Variants in MFN2 observed in about 807,000 individuals in gnomAD.
The protein encoded by MFN2 is mitofusin 2, also known as mitofusin-2.
In MFN2, 43 loss-of-function variants were observed where a neutral mutation model predicts 87.5. That is an observed-to-expected ratio of 0.49 (90% CI 0.38 to 0.63). The LOEUF is 0.63. Ranked by LOEUF, MFN2 falls within the 30% of genes least tolerant of loss-of-function variation. The pLI is 0.00. For missense variants in MFN2, 743 were observed against 972.8 expected, an observed-to-expected ratio of 0.76 and a Z score of 3.14; for synonymous variants, 337 against 359.9, an observed-to-expected ratio of 0.94 and a Z score of 0.72.
rs573457615 is a variant in MFN2, at chr1:12,004,769, G to A, written c.1393-56G>A. 697 of 1,563,202 alleles carry A rather than the reference G, an allele frequency of 4.5e-4. No homozygotes were observed. Among genetic ancestry groups the A allele is most frequent in the Admixed American group, 6.8e-4 (40 of 59,090 alleles). ...CTTCTGGGGTCACCTGGTGGATGTG[G>A]CCTGAAGGGAATTTTGATGGACATG... On this transcript the variant is annotated intron_variant, in intron 13 of 18. Coordinates refer to ENST00000235329, the MANE Select transcript of MFN2 (RefSeq NM_014874.4). This position sits in a 1 kb window ranked among gnomAD's most constrained non-coding sequence, Gnocchi z 4.2.
At chr1:11,997,149 T>G (rs1638947529) in intron 5 of MFN2, 148 bp from the exon 6 acceptor site, 1 of 1,192,788 alleles carries the variant, frequency 8.4e-7, no homozygotes, top group East Asian at 2.7e-5. Flanking sequence ...TATTGACAAC[T>G]CCCAGCTGTT....
chr1:12,008,040 C>G (rs1639499232), intron 17 of MFN2, among the ~76,000 whole-genome samples: 2 of 152,168 alleles, frequency 1.3e-5, no homozygotes, highest in African/African-American at 4.8e-5. Flanking sequence ...GGACACAGCA[C>G]ATGTTTCAGA....
chr1:12,011,845 T>C lies in MFN2; in HGVS notation c.*280T>C, dbSNP rs1639712048. 1.9e-6 allele frequency: 1 copy of C among 531,850 alleles called. No homozygotes were observed. The highest frequency in any genetic ancestry group is 1.9e-5 in the African/African-American group (1 of 52,562). 32.9% of individuals were successfully genotyped at this position (531,850 alleles called of 1,614,324 possible). A position where few individuals can be genotyped will look rare whatever the true frequency, so the allele number is the denominator to read the frequency against. The stretch of plus-strand genomic sequence containing the variant: ...AGTTAAGTTGAGGCTTTTTCCAGCT[T>C]TCTCTGGTTCATTTGATTGCTTGAT... On this transcript the variant is annotated 3_prime_UTR_variant, in exon 19 of 19. Coordinates refer to ENST00000235329, the MANE Select transcript of MFN2 (RefSeq NM_014874.4).
At chr1:11,988,638 T>G (rs1283899730) in intron 2 of MFN2, among the ~76,000 whole-genome samples, 1 of 152,046 alleles carries the variant, frequency 6.6e-6, no homozygotes, top group African/African-American at 2.4e-5. Flanking sequence ...TGGGCTCAAG[T>G]GACCCTCCCA....
intron 2 of MFN2, among the ~76,000 whole-genome samples, chr1:11,986,263 AT>A (rs1638402207): frequency 6.6e-6 from 1 of 152,146 alleles, no homozygotes; most frequent in East Asian, 1.9e-4. Context: ...CTTTGGCCCC[AT>A]TTGGAAGTTT....
chr1:11,997,933 G>T (rs1305736143), intron 6 of MFN2, among the ~76,000 whole-genome samples: 1 of 135,434 alleles, frequency 7.4e-6, no homozygotes, highest in Admixed American at 8.0e-5. Context: ...ACCCAGGCTG[G>T]AGTGCAGTGG....
intron 2 of MFN2, among the ~76,000 whole-genome samples, chr1:11,983,728 G>A (rs1035485884): frequency 2.0e-5 from 3 of 152,192 alleles, no homozygotes; most frequent in Non-Finnish European, 2.9e-5. Flanking sequence ...GATAATTGGG[G>A]AACACAGGAT....
Position 12,011,888 on chromosome 1 carries a change from G to A in MFN2, c.*323G>A. On this transcript the variant is annotated 3_prime_UTR_variant, in exon 19 of 19. Transcript: ENST00000235329. Reference sequence around the variant, plus strand: ...TGCTTGATAAGGCCTCAGGATCTCAGCATTGCACAATGCCTCATGGAAGCC... The same window carrying A: ...TGCTTGATAAGGCCTCAGGATCTCAACATTGCACAATGCCTCATGGAAGCC... The A allele has an allele frequency of 2.3e-6, 1 of 437,540 alleles. No individual in the cohort carries two copies. Among genetic ancestry groups the A allele is most frequent in the Non-Finnish European group, 4.2e-6 (1 of 235,826 alleles). 27.1% of individuals were successfully genotyped at this position (437,540 alleles called of 1,614,324 possible).
chr1:12,006,147 TC>T (rs1208313837), intron 15 of MFN2, among the ~76,000 whole-genome samples: 1 of 116,518 alleles, frequency 8.6e-6, no homozygotes, highest in Non-Finnish European at 1.9e-5. Flanking sequence ...CTAGTATTTT[TC>T]TCTAATACAC....
chr1:11,991,355 G>C (rs1638665764), intron 3 of MFN2, among the ~76,000 whole-genome samples: 1 of 152,152 alleles, frequency 6.6e-6, no homozygotes, highest in Non-Finnish European at 1.5e-5. Context: ...ACACAGAGAA[G>C]GGGTCCGGGG....
rs952426652 is a variant in MFN2, at chr1:12,000,958, T to C, written c.817-443T>C. Among the ~76,000 whole-genome samples, 5 of 152,152 alleles carry C rather than the reference T, an allele frequency of 3.3e-5. No homozygotes were observed. The East Asian group carries it at 9.6e-4, about 29-fold the overall frequency. On this transcript the variant is annotated intron_variant, in intron 8 of 18. Transcript: ENST00000235329. ...GAAACTTGGTGGTGAGAGAGCAGAATAGTGGGGGACATTACACTGTGTATG... is the reference window on the plus strand; with the variant it reads ...GAAACTTGGTGGTGAGAGAGCAGAACAGTGGGGGACATTACACTGTGTATG...
Position 11,989,219 on chromosome 1 carries a change from T to G in MFN2, c.51T>G (p.Asn17Lys). Residue 17 changes from asparagine (N) to lysine (K), a missense_variant, in exon 3 of 19, where the codon AAT becomes AAG. Asn to Lys is a moderately conservative substitution (Grantham distance 94, BLOSUM62 0). Transcript: ENST00000235329. ...RCNSIVTVKK[N>K]KRHMAEVNAS... The stretch of plus-strand genomic sequence containing the variant: ...ACTCTATCGTCACAGTCAAGAAAAA[T>G]AAGAGACACATGGCTGAGGTGAATG... The G allele has an allele frequency of 1.2e-6, 2 of 1,613,974 alleles. No individual in the cohort carries two copies. The highest frequency in any genetic ancestry group is 4.5e-5 in the East Asian group (2 of 44,874).
Position 11,996,319 on chromosome 1 carries a change from G to A in MFN2, c.474+1G>A. 1.2e-6 allele frequency: 2 copies of A among 1,614,066 alleles called. No homozygotes were observed. Among genetic ancestry groups the A allele is most frequent in the Non-Finnish European group, 1.7e-6 (2 of 1,180,012 alleles). ...CTCAGAGGAAAAGAGGAGTGCCAAG[G>A]TGAGGGTGCCAGGCTGGCTGTCAGC... On this transcript the variant is annotated splice_donor_variant, in intron 5 of 18. Coordinates refer to ENST00000235329, the MANE Select transcript of MFN2 (RefSeq NM_014874.4). LOFTEE classifies it high-confidence loss of function.
intron 2 of MFN2, among the ~76,000 whole-genome samples, chr1:11,985,481 T>TA (rs1638359531): frequency 2.2e-5 from 3 of 137,246 alleles, no homozygotes; most frequent in East Asian, 2.1e-4. Context: ...TTTTTTTTTT[T>TA]TAAAGAGAGA....
At chr1:12,010,382 C>T (rs1249625163) in intron 18 of MFN2, among the ~76,000 whole-genome samples, 2 of 152,218 alleles carry the variant, frequency 1.3e-5, no homozygotes, top group Admixed American at 6.5e-5. Context: ...CCATTTTCTA[C>T]ATAGAAATGT....
chr1:11,983,588 A>G (rs775920062), intron 2 of MFN2, among the ~76,000 whole-genome samples: 13 of 152,142 alleles, frequency 8.5e-5, no homozygotes, highest in Non-Finnish European at 5.9e-5. Flanking sequence ...TGCTTGCAGG[A>G]TGGTCCCCAC....
At chr1:11,996,087 T>C in intron 4 of MFN2, 69 bp from the exon 5 acceptor site, 3 of 1,604,826 alleles carry the variant, frequency 1.9e-6, no homozygotes, top group Non-Finnish European at 2.6e-6. Context: ...TCCAGGCTGG[T>C]ATCTGCGTTG....
intron 17 of MFN2, 152 bp from the exon 18 acceptor site, chr1:12,009,440 G>A: frequency 9.7e-7 from 1 of 1,026,964 alleles, no homozygotes; most frequent in Non-Finnish European, 1.5e-6. Flanking sequence ...TCAGCAGGGT[G>A]TAGGAGATTC....
chr1:11,982,255 CTACCG>C (rs1483395945), intron 2 of MFN2, 141 bp downstream of exon 2: 1 of 152,180 alleles, frequency 6.6e-6, no homozygotes, highest in Non-Finnish European at 1.5e-5. Flanking sequence ...TGTTGAAAAA[CTACCG>C]TATCTTTTAC....
Sources: gnomAD v4.1 joint callset for allele counts (sites outside exome capture counted in the v4.1 genomes callset) on GRCh38, gnomAD v4.1.1 for gene constraint, Gnocchi (gnomAD v3.1) non-coding constraint, MANE v1.5 for transcripts, NCBI Gene and HGNC (gene_info 2026-07-23, HGNC 2026-07-21) for gene names.